Variants in RGPD3 observed in about 807,000 individuals in gnomAD.
RGPD3 encodes the protein RANBP2 like and GRIP domain containing 3.
A neutral mutation model predicts 154.5 loss-of-function variants in RGPD3; 62 were observed. The observed-to-expected ratio is 0.40, with a 90% confidence interval of 0.33 to 0.50. The LOEUF is 0.50. Among genes scored for constraint, RGPD3 ranks in the 20% least tolerant of loss-of-function variants. The pLI is 0.59. For missense variants in RGPD3, 919 were observed against 1,716.8 expected (o/e 0.54, Z 8.21); for synonymous variants, 308 against 607.0 (o/e 0.51, Z 7.24).
At chr2:106,451,003 C>T (rs1371648333) in intron 6 of RGPD3, among the ~76,000 whole-genome samples, 1 of 149,986 alleles carries the variant, frequency 6.7e-6, no homozygotes, top group East Asian at 2.0e-4. Context: ...GCAGGAGAAT[C>T]GCCTGAACCC....
intron 20 of RGPD3, among the ~76,000 whole-genome samples, chr2:106,418,821 G>C (rs1676892908): frequency 6.7e-6 from 1 of 150,200 alleles, no homozygotes; most frequent in African/African-American, 2.4e-5. Context: ...ACCCGCCTTG[G>C]CCTCCCAAAG....
At position 106,462,687 on chromosome 2, in the gene RGPD3, CT is replaced by C. The variant is rs1160532366; in HGVS notation, c.73-3356del. On this transcript the variant is annotated intron_variant, in intron 1 of 22. Coordinates refer to ENST00000409886, the MANE Select transcript of RGPD3 (RefSeq NM_001144013.2). ...TTTCATTATGCAGTTCTGAATTTCT[CT>C]TTTTTTTTAAATTCAAACGGAGTCT... Among the ~76,000 whole-genome samples, 8 of 151,672 alleles carry C rather than the reference CT, an allele frequency of 5.3e-5. No homozygotes were observed. In the South Asian group the frequency reaches 1.7e-3, roughly 32 times the overall value.
chr2:106,468,580 C>T (rs373122878), upstream of RGPD3, among the ~76,000 whole-genome samples: 5 of 152,082 alleles, frequency 3.3e-5, 1 homozygote, highest in East Asian at 1.9e-4. Context: ...CTGAGGCGGG[C>T]GGATCACTTG....
intron 22 of RGPD3, among the ~76,000 whole-genome samples, chr2:106,405,702 CTAAATTTCTCTTTT>C (rs1265619565): frequency 1.3e-5 from 2 of 151,118 alleles, no homozygotes; most frequent in African/African-American, 4.8e-5. Context: ...ACACTGCTTA[CTAAATTTCTCTTTT>C]TAAAGGATAT....
chr2:106,461,410 T>C (rs966420334), intron 1 of RGPD3, among the ~76,000 whole-genome samples: 5 of 152,120 alleles, frequency 3.3e-5, no homozygotes, highest in Non-Finnish European at 5.9e-5. Flanking sequence ...AACTAGCAGG[T>C]GGGGAGCACA....
intron 7 of RGPD3, 84 bp from the exon 8 acceptor site, chr2:106,441,464 T>A: frequency 1.2e-6 from 1 of 833,398 alleles, no homozygotes; most frequent in Non-Finnish European, 1.9e-6. Context: ...ACACTGTACT[T>A]TTTTTGATAA....
In RGPD3 at chr2:106,405,247, A is replaced by G. The variant is rs762533660; in HGVS notation, c.5267-18T>C. 6.2e-7 allele frequency: 1 copy of G among 1,606,186 alleles called. No individual in the cohort carries two copies. Among genetic ancestry groups the G allele is most frequent in the Non-Finnish European group, 8.5e-7 (1 of 1,178,198 alleles). ...TTCCTCACCTTTGGAAAGTAAAACA[A>G]AAAAAAAGAAAAAAGAGAGTATTAA... On this transcript the variant is annotated intron_variant, in intron 22 of 22. Transcript: ENST00000409886.
chr2:106,441,011 AG>A (rs1336956792), intron 8 of RGPD3, among the ~76,000 whole-genome samples: 1 of 141,202 alleles, frequency 7.1e-6, no homozygotes, highest in Admixed American at 7.3e-5. Flanking sequence ...TACTTAGTTC[AG>A]GAAGTGACTA....
chr2:106,469,555 C>T (rs1207200547), upstream of RGPD3, among the ~76,000 whole-genome samples: 1 of 152,192 alleles, frequency 6.6e-6, no homozygotes, highest in African/African-American at 2.4e-5. Context: ...TGAACCGTCC[C>T]TAAACATCCA....
chr2:106,469,885 CA>C (rs1678769901), upstream of RGPD3, among the ~76,000 whole-genome samples: 1 of 152,144 alleles, frequency 6.6e-6, no homozygotes. Flanking sequence ...CACACAGATC[CA>C]AAACCTCGTA....
intron 1 of RGPD3, among the ~76,000 whole-genome samples, chr2:106,467,174 G>C (rs1287581177): frequency 2.0e-4 from 1 of 4,994 alleles, no homozygotes; most frequent in African/African-American, 6.7e-4. Flanking sequence ...CTGAGCCATC[G>C]AGGCCGCCGC....
chr2:106,403,679 A>T lies in RGPD3; in HGVS notation c.*1540T>A, dbSNP rs1336319209. The stretch of plus-strand genomic sequence containing the variant: ...TATTCACAGTTTATAAAGTAAAAAA[A>T]CTAAACTCTTCATGTCGGCTCTGAA... On this transcript the variant is annotated 3_prime_UTR_variant, in exon 23 of 23. Coordinates refer to ENST00000409886, the MANE Select transcript of RGPD3 (RefSeq NM_001144013.2). Among the ~76,000 whole-genome samples, 1 of 152,298 alleles carries T rather than the reference A, an allele frequency of 6.6e-6. No homozygotes were observed. The highest frequency in any genetic ancestry group is 2.4e-5 in the African/African-American group (1 of 41,488).
intron 1 of RGPD3, among the ~76,000 whole-genome samples, chr2:106,465,665 T>C (rs1573307358): frequency 6.6e-6 from 1 of 151,662 alleles, no homozygotes; most frequent in Non-Finnish European, 1.5e-5. Context: ...AAAATACCCT[T>C]AAAACATTTG....
rs545085229 is a variant in RGPD3 at position 106,438,015 on chromosome 2, T to G, written c.1276+953A>C. Among the ~76,000 whole-genome samples the G allele has an allele frequency of 6.6e-5, 10 of 152,316 alleles. No individual in the cohort carries two copies. The East Asian group carries it at 1.9e-3, about 30-fold the overall frequency. Reference sequence around the variant, plus strand: ...AGTGTGATCTTGGCTCACTGCAACCTCCACCTCCCGGTTGAAGCGATTCTC... The same window carrying G: ...AGTGTGATCTTGGCTCACTGCAACCGCCACCTCCCGGTTGAAGCGATTCTC... On this transcript the variant is annotated intron_variant, in intron 9 of 22. Transcript: ENST00000409886.
chr2:106,415,920 C>G lies in RGPD3; in HGVS notation c.4994G>C (p.Ser1665Thr). ...AAGCAGGCCGTTTAAGTGATCTGCA[C>G]TTTTTGTGGTGGAACTGAGCTTCTG... is the stretch of plus-strand genomic sequence containing the variant. ...LVQKLSSTTK[S>T]ADHLNGLLRE... Residue 1665 changes from serine (S) to threonine (T), a missense_variant, in exon 21 of 23, where the codon AGT becomes ACT. Transcript: ENST00000409886. 1 of 1,611,848 alleles carries G rather than the reference C, an allele frequency of 6.2e-7. No individual in the cohort carries two copies. Among genetic ancestry groups the G allele is most frequent in the Non-Finnish European group, 8.5e-7 (1 of 1,179,828 alleles).
chr2:106,462,595 G>A (rs1222959400), intron 1 of RGPD3, among the ~76,000 whole-genome samples: 93 of 152,164 alleles, frequency 6.1e-4, no homozygotes, highest in African/African-American at 1.9e-3. Context: ...CCACATCATC[G>A]CTATCTTGCA....
rs1157310979 is a variant in RGPD3 at position 106,468,210 on chromosome 2, C to T, written c.72+7G>A. 4 of 1,603,708 alleles carry T rather than the reference C, an allele frequency of 2.5e-6. No individual in the cohort carries two copies. The highest frequency in any genetic ancestry group is 3.4e-5 in the Admixed American group (2 of 59,036). On this transcript the variant is annotated splice_region_variant and intron_variant, in intron 1 of 22. Coordinates refer to ENST00000409886, the MANE Select transcript of RGPD3 (RefSeq NM_001144013.2). ...CGAGGCCGTCGGTCTCTTCCAGACC[C>T]ACTCACCTTTCGAGGCGACGGGGCG...
In RGPD3 at chr2:106,424,136, A is replaced by C. The variant is rs1553459111; in HGVS notation, c.3831T>G (p.Pro1277=). The C allele has an allele frequency of 3.7e-6, 6 of 1,604,074 alleles. No individual in the cohort carries two copies. In the South Asian group the frequency reaches 6.6e-5, roughly 18 times the overall value. ...SVHASPLASS[P]VRKNLFHFDE... ...CAAAGTGGAAAAGATTTTTTCTCACAGGGCTACTTGCCAATGGAGAAGCAT... is the reference window on the plus strand; with the variant it reads ...CAAAGTGGAAAAGATTTTTTCTCACCGGGCTACTTGCCAATGGAGAAGCAT... The change falls in exon 20 of 23, where the codon CCT becomes CCG. Residue 1277 remains proline (P), a synonymous_variant. Transcript: ENST00000409886.
At position 106,421,181 on chromosome 2, in the gene RGPD3, T is replaced by A. The variant is rs888918607; in HGVS notation, c.4924+1862A>T. Among the ~76,000 whole-genome samples, 7 of 152,202 alleles carry A rather than the reference T, an allele frequency of 4.6e-5. No homozygotes were observed. In the South Asian group the frequency reaches 6.2e-4, roughly 14 times the overall value. ...GTAAATCAGATAGCCTCTCTTGGCC[T>A]CAGTTTACTCATGTCTAAAGTCTTC... On this transcript the variant is annotated intron_variant, in intron 20 of 22. Coordinates refer to ENST00000409886, the MANE Select transcript of RGPD3 (RefSeq NM_001144013.2).
Sources: gnomAD v4.1 joint callset for allele counts (sites outside exome capture counted in the v4.1 genomes callset) on GRCh38, gnomAD v4.1.1 for gene constraint, MANE v1.5 for transcripts, NCBI Gene and HGNC (gene_info 2026-07-23, HGNC 2026-07-21) for gene names.